R3HDM2: variants seen among roughly 807,000 people sequenced by gnomAD.
The protein encoded by R3HDM2 is R3H domain containing 2.
R3HDM2 carries 38 observed loss-of-function variants against 124.5 expected under a neutral mutation model. That is an observed-to-expected ratio of 0.31 (90% CI 0.24 to 0.40). The LOEUF (loss-of-function observed/expected upper bound fraction) is 0.40. R3HDM2 is among the 10% of genes least tolerant of loss of function. The pLI, the probability that R3HDM2 is intolerant of heterozygous loss-of-function variation, is 1.00. For synonymous variants in R3HDM2, 391 were observed against 448.0 expected (o/e 0.87, Z 1.61); for missense variants, 869 against 1,236.9 (o/e 0.70, Z 4.46).
chr12:57,303,016 T>A (rs2051611589), intron 4 of R3HDM2, among the ~76,000 whole-genome samples, 160 bp downstream of exon 4: 1 of 152,246 alleles, frequency 6.6e-6, no homozygotes, highest in South Asian at 2.1e-4. Flanking sequence ...TATGTGTACA[T>A]GTGTGTATGC....
chr12:57,354,170 A>C (rs2060983372), intron 2 of R3HDM2, among the ~76,000 whole-genome samples: 1 of 148,914 alleles, frequency 6.7e-6, no homozygotes, highest in South Asian at 2.1e-4. Context: ...CGCCTGGTCT[A>C]ATTTTTTTTT....
At chr12:57,314,862 G>A (rs1399931012) in intron 2 of R3HDM2, among the ~76,000 whole-genome samples, 3 of 151,766 alleles carry the variant, frequency 2.0e-5, no homozygotes, top group African/African-American at 2.4e-5. Context: ...AGCAGTTTTC[G>A]TTTTTTGGTT....
chr12:57,331,638 T>C (rs1456450811), intron 2 of R3HDM2, among the ~76,000 whole-genome samples: 1 of 151,830 alleles, frequency 6.6e-6, no homozygotes, highest in East Asian at 1.9e-4. Context: ...TCTGTAAAAT[T>C]TTTTTATGGC....
At chr12:57,365,365 T>C (rs539854322) in intron 2 of R3HDM2, among the ~76,000 whole-genome samples, 3 of 152,316 alleles carry the variant, frequency 2.0e-5, no homozygotes, top group Non-Finnish European at 4.4e-5. Flanking sequence ...GTCCAAATAC[T>C]GTCATATTCT....
At chr12:57,426,064 C>T (rs981215316) in intron 1 of R3HDM2, among the ~76,000 whole-genome samples, 3 of 152,090 alleles carry the variant, frequency 2.0e-5, no homozygotes, top group South Asian at 2.1e-4. Context: ...CCTGTATCTA[C>T]TAAAAATACA....
chr12:57,283,869 T>C lies in R3HDM2; in HGVS notation c.1126A>G (p.Ile376Val). Residue 376 changes from isoleucine (I) to valine (V), a missense_variant, in exon 13 of 24, where the codon ATC becomes GTC. Transcript: ENST00000402412. Reference protein sequence around the residue: ...GISILTRGDSIGSSKGGSAGR... With the variant: ...GISILTRGDSVGSSKGGSAGR... ...GCACTGCCGCCTTTACTGCTGCCGA[T>C]GCTGTCACCTCGGGTAAGGATAGAG... 3.1e-6 allele frequency: 5 copies of C among 1,614,208 alleles called. No homozygotes were observed. The highest frequency in any genetic ancestry group is 3.4e-6 in the Non-Finnish European group (4 of 1,180,042).
At chr12:57,367,405 C>T (rs1334523441) in intron 2 of R3HDM2, among the ~76,000 whole-genome samples, 4 of 152,184 alleles carry the variant, frequency 2.6e-5, no homozygotes, top group Non-Finnish European at 4.4e-5. Context: ...TAGCTAGTGG[C>T]TACTGTATTA....
intron 1 of R3HDM2, among the ~76,000 whole-genome samples, chr12:57,417,614 T>C (rs1314745076): frequency 6.6e-6 from 1 of 152,226 alleles, no homozygotes; most frequent in Admixed American, 6.5e-5. Flanking sequence ...TTTTTGTATG[T>C]CTTGGCAACT....
At position 57,254,259 on chromosome 12, in the gene R3HDM2, G is replaced by A. The variant is rs1399413707; in HGVS notation, c.*514C>T. ...CTCACGCCTGTAATCCCAGCACTCTGGAAGGCCAAGGCAGGTGGATCACCT... is the reference window on the plus strand; with the variant it reads ...CTCACGCCTGTAATCCCAGCACTCTAGAAGGCCAAGGCAGGTGGATCACCT... On this transcript the variant is annotated 3_prime_UTR_variant, in exon 24 of 24. Coordinates refer to ENST00000402412, the MANE Select transcript of R3HDM2 (RefSeq NM_001394031.1). The A allele has an allele frequency of 2.2e-6, 1 of 453,802 alleles. No individual in the cohort carries two copies. The highest frequency in any genetic ancestry group is 4.4e-6 in the Non-Finnish European group (1 of 226,524). The allele number at this position is 453,802 out of a possible 1,614,324, so 28.1% of individuals were successfully genotyped here. A position where few individuals can be genotyped will look rare whatever the true frequency, so the allele number is the denominator to read the frequency against.
chr12:57,310,187 G>A, intron 3 of R3HDM2, 77 bp downstream of exon 3: 1 of 1,105,624 alleles, frequency 9.0e-7, no homozygotes. Flanking sequence ...TCCAGGTTGG[G>A]TAACAGACAG....
At chr12:57,273,113 G>A (rs1376612470) in intron 14 of R3HDM2, among the ~76,000 whole-genome samples, 1 of 152,078 alleles carries the variant, frequency 6.6e-6, no homozygotes, top group Admixed American at 6.6e-5. Context: ...TCCCTCCCAA[G>A]GGCAGAGAAG....
intron 4 of R3HDM2, among the ~76,000 whole-genome samples, chr12:57,302,287 A>G (rs1010407799): frequency 6.6e-6 from 1 of 151,822 alleles, no homozygotes; most frequent in Non-Finnish European, 1.5e-5. Flanking sequence ...AAAGAAAAGA[A>G]AAGAAAAGAA....
chr12:57,258,023 T>A lies in R3HDM2; in HGVS notation c.2416A>T (p.Thr806Ser), dbSNP rs772025551. Reference sequence around the variant, plus strand: ...GGACCCCCAGGCCGGGGGAACTGTGTGAGGACAGGCAGGGGACTGAGTCCT... The same window carrying A: ...GGACCCCCAGGCCGGGGGAACTGTGAGAGGACAGGCAGGGGACTGAGTCCT... ...CTGLSPLPVL[T>S]QFPRPGGPAQ... Residue 806 changes from threonine to serine, a missense_variant, in exon 21 of 24, where the codon ACA (threonine) becomes TCA (serine). Coordinates refer to ENST00000402412, the MANE Select transcript of R3HDM2 (RefSeq NM_001394031.1). The A allele has an allele frequency of 2.6e-5, 41 of 1,586,586 alleles. No homozygotes were observed. Among genetic ancestry groups the A allele is most frequent in the Non-Finnish European group, 3.4e-5 (39 of 1,161,330 alleles).
At chr12:57,292,736 G>T in intron 10 of R3HDM2, 69 bp from the exon 11 acceptor site, 1 of 982,910 alleles carries the variant, frequency 1.0e-6, no homozygotes, top group South Asian at 1.5e-5. Flanking sequence ...ACACCAGCAA[G>T]GAAGAGAAAC....
Position 57,289,060 on chromosome 12 carries a change from C to A in R3HDM2, c.907-20G>T. ...GCCAGTCTAGGTGAGGGGGAGAAAA[C>A]GGAAAATAACTTATAAGAAAACAGC... On this transcript the variant is annotated intron_variant, in intron 11 of 23. Transcript: ENST00000402412. The A allele has an allele frequency of 6.5e-7, 1 of 1,537,282 alleles. No individual in the cohort carries two copies. Among genetic ancestry groups the A allele is most frequent in the Non-Finnish European group, 8.8e-7 (1 of 1,133,980 alleles).
intron 2 of R3HDM2, among the ~76,000 whole-genome samples, chr12:57,346,992 C>A (rs538618131): frequency 2.1e-4 from 32 of 152,284 alleles, no homozygotes; most frequent in African/African-American, 7.5e-4. Flanking sequence ...CACCTGTAAT[C>A]CCAGCATGTA....
chr12:57,415,632 A>T (rs1430271837), intron 1 of R3HDM2, among the ~76,000 whole-genome samples: 1 of 152,172 alleles, frequency 6.6e-6, no homozygotes, highest in East Asian at 1.9e-4. Flanking sequence ...AATCTAGCAG[A>T]TATCAATTTA....
At chr12:57,374,435 A>G (rs1352101959) in intron 2 of R3HDM2, among the ~76,000 whole-genome samples, 1 of 151,702 alleles carries the variant, frequency 6.6e-6, no homozygotes, top group Non-Finnish European at 1.5e-5. Context: ...CACGTCTGTA[A>G]TCCCAGCACT....
At chr12:57,295,050 G>GA (rs1382061763) in intron 10 of R3HDM2, among the ~76,000 whole-genome samples, 3 of 151,960 alleles carry the variant, frequency 2.0e-5, no homozygotes, top group East Asian at 1.9e-4. Context: ...ACTATTAAAG[G>GA]AAAAAAAAGA....
Sources: allele counts gnomAD v4.1 joint callset (sites outside exome capture counted in the v4.1 genomes callset), GRCh38; gene constraint gnomAD v4.1.1; transcripts MANE v1.5; gene names NCBI Gene and HGNC (gene_info 2026-07-23, HGNC 2026-07-21).